Variants in LANCL2 observed in about 807,000 individuals in gnomAD.
LANCL2 encodes LanC like glutathione S-transferase 2, also known as lanC-like protein 2.
LANCL2 carries 33 observed loss-of-function variants against 56.9 expected under a neutral mutation model. The ratio of observed to expected loss-of-function variants is 0.58; its 90% CI spans 0.44 to 0.78. The LOEUF (loss-of-function observed/expected upper bound fraction) is 0.78. Ranked by LOEUF, LANCL2 falls within the 30% of genes least tolerant of loss-of-function variation. The pLI, the probability that LANCL2 is intolerant of heterozygous loss-of-function variation, is 0.00. For missense variants in LANCL2, 562 were observed against 580.2 expected, an observed-to-expected ratio of 0.97 and a Z score of 0.32; for synonymous variants, 233 against 228.2, an observed-to-expected ratio of 1.02 and a Z score of -0.19.
At chr7:55,403,611 G>A (rs550321972) in intron 5 of LANCL2, among the ~76,000 whole-genome samples, 352 of 126,096 alleles carry the variant, frequency 2.8e-3, no homozygotes, top group Non-Finnish European at 4.4e-3. Flanking sequence ...TCACTCTGTC[G>A]CCCAGGCTGG....
intron 8 of LANCL2, among the ~76,000 whole-genome samples, chr7:55,430,746 T>G (rs963159625): frequency 6.6e-6 from 1 of 152,198 alleles, no homozygotes; most frequent in Non-Finnish European, 1.5e-5. Flanking sequence ...ACACCCTTCC[T>G]AAGCTGCTGT....
chr7:55,408,403 A>G (rs1790434526), intron 5 of LANCL2, among the ~76,000 whole-genome samples: 1 of 152,120 alleles, frequency 6.6e-6, no homozygotes. Flanking sequence ...GCAGTGGCTC[A>G]TGCCTGTAAT....
In LANCL2 at chr7:55,365,418, T is replaced by TA. The variant is rs1198937122; in HGVS notation, c.-607dup. On this transcript the variant is annotated 5_prime_UTR_variant, in exon 1 of 9. Transcript: ENST00000254770. ...GAAGAGATTTTTTTTTTCTTCTTAA[T>TA]ATCAAACAAAGAACTGCTGCTATTC... is the stretch of plus-strand genomic sequence containing the variant. 6.6e-6 allele frequency: 1 copy of TA among 152,184 alleles called. No individual in the cohort carries two copies. The highest frequency in any genetic ancestry group is 1.5e-5 in the Non-Finnish European group (1 of 68,022). 9.4% of individuals were successfully genotyped at this position (152,184 alleles called of 1,614,324 possible). A position where few individuals can be genotyped will look rare whatever the true frequency, so the allele number is the denominator to read the frequency against.
At chr7:55,378,270 G>A (rs1790025287) in intron 1 of LANCL2, among the ~76,000 whole-genome samples, 1 of 152,078 alleles carries the variant, frequency 6.6e-6, no homozygotes, top group Non-Finnish European at 1.5e-5. Context: ...GACCATTCTG[G>A]CCAACATGGG....
intron 1 of LANCL2, among the ~76,000 whole-genome samples, chr7:55,371,122 G>GT (rs1789939070): frequency 6.6e-6 from 1 of 152,172 alleles, no homozygotes; most frequent in African/African-American, 2.4e-5. Context: ...TAGAGCTCTA[G>GT]ACTTGTTTGT....
At chr7:55,428,302 C>A in intron 7 of LANCL2, 73 bp from the exon 8 acceptor site, 2 of 1,316,866 alleles carry the variant, frequency 1.5e-6, no homozygotes, top group Non-Finnish European at 2.2e-6. Context: ...CCTGTGAAGA[C>A]ATTGCATTCT....
intron 7 of LANCL2, among the ~76,000 whole-genome samples, chr7:55,427,694 G>A (rs562787934): frequency 6.6e-6 from 1 of 152,316 alleles, no homozygotes; most frequent in South Asian, 2.1e-4. Flanking sequence ...TACGTGTGCT[G>A]AACTTGATAC....
intron 5 of LANCL2, among the ~76,000 whole-genome samples, chr7:55,403,003 C>G (rs1464853363): frequency 6.6e-6 from 1 of 151,548 alleles, no homozygotes; most frequent in African/African-American, 2.4e-5. Context: ...GATGGGCGGC[C>G]AGGCAGAGAC....
chr7:55,376,037 G>A (rs146482117), intron 1 of LANCL2, among the ~76,000 whole-genome samples: 38 of 152,222 alleles, frequency 2.5e-4, no homozygotes, highest in South Asian at 6.2e-4. Flanking sequence ...GATGGGCCCC[G>A]CTTGGATAAT....
At chr7:55,373,936 A>G (rs898412645) in intron 1 of LANCL2, among the ~76,000 whole-genome samples, 1 of 152,224 alleles carries the variant, frequency 6.6e-6, no homozygotes, top group Non-Finnish European at 1.5e-5. Context: ...ATAGAATTGC[A>G]TATAACAAAC....
chr7:55,417,524 CTT>C (rs1790558396), intron 6 of LANCL2, among the ~76,000 whole-genome samples: 1 of 152,152 alleles, frequency 6.6e-6, no homozygotes, highest in Admixed American at 6.5e-5. Context: ...TAAGACCTCA[CTT>C]TGTTCTTTTT....
intron 6 of LANCL2, among the ~76,000 whole-genome samples, chr7:55,414,572 C>T (rs1790505540): frequency 1.3e-5 from 2 of 152,074 alleles, no homozygotes; most frequent in Non-Finnish European, 2.9e-5. Context: ...ATTTATTTTC[C>T]CTCCCTGTAG....
intron 1 of LANCL2, among the ~76,000 whole-genome samples, chr7:55,378,729 G>A (rs1790031324): frequency 6.6e-6 from 1 of 152,110 alleles, no homozygotes; most frequent in African/African-American, 2.4e-5. Flanking sequence ...AGGAAAAGGG[G>A]AACCATAAAA....
intron 7 of LANCL2, among the ~76,000 whole-genome samples, chr7:55,427,580 C>T (rs1790678441): frequency 6.6e-6 from 1 of 152,192 alleles, no homozygotes. Flanking sequence ...ATGGAAATAT[C>T]TGAAGGTCTT....
chr7:55,431,372 T>A lies in LANCL2; in HGVS notation c.*52T>A. 7.9e-7 allele frequency: 1 copy of A among 1,271,602 alleles called. No homozygotes were observed. The highest frequency in any genetic ancestry group is 1.1e-6 in the Non-Finnish European group (1 of 885,924). The allele number at this position is 1,271,602 out of a possible 1,614,324, so 78.8% of individuals were successfully genotyped here. ...CCATTTGGACCAAAAGCCACCAGAT[T>A]GCTTAGTGCCTGACACAGAAACAAC... On this transcript the variant is annotated 3_prime_UTR_variant, in exon 9 of 9. Coordinates refer to ENST00000254770, the MANE Select transcript of LANCL2 (RefSeq NM_018697.4).
intron 2 of LANCL2, among the ~76,000 whole-genome samples, chr7:55,392,660 T>C (rs913709619): frequency 6.6e-6 from 1 of 152,228 alleles, no homozygotes; most frequent in Non-Finnish European, 1.5e-5. Flanking sequence ...TTTTATACCT[T>C]TTAATTGAGG....
intron 5 of LANCL2, among the ~76,000 whole-genome samples, chr7:55,408,300 G>A (rs772114442): frequency 5.3e-5 from 8 of 152,150 alleles, no homozygotes; most frequent in Non-Finnish European, 1.2e-4. Flanking sequence ...TTCAGCATGT[G>A]ACTAGTGGGA....
chr7:55,368,471 G>A (rs1583738053), intron 1 of LANCL2, among the ~76,000 whole-genome samples: 1 of 152,196 alleles, frequency 6.6e-6, no homozygotes, highest in African/African-American at 2.4e-5. Flanking sequence ...GAGATGGATA[G>A]TGATTTTAAA....
intron 4 of LANCL2, among the ~76,000 whole-genome samples, chr7:55,400,892 A>C (rs947117256): frequency 2.6e-5 from 4 of 152,168 alleles, no homozygotes; most frequent in Non-Finnish European, 5.9e-5. Flanking sequence ...GTTTTATAAG[A>C]AGTTTTTCTA....
Sources: gnomAD v4.1 joint callset for allele counts (sites outside exome capture counted in the v4.1 genomes callset) on GRCh38, gnomAD v4.1.1 for gene constraint, MANE v1.5 for transcripts, NCBI Gene and HGNC (gene_info 2026-07-23, HGNC 2026-07-21) for gene names.